Variants in NEBL observed in about 807,000 individuals in gnomAD.
NEBL encodes the protein LIM and SH3 protein 2.
In NEBL, 122 loss-of-function variants were observed where a neutral mutation model predicts 140.2. That is an observed-to-expected ratio of 0.87 (90% CI 0.75 to 1.01). The LOEUF (loss-of-function observed/expected upper bound fraction) is 1.01, where lower values mean the gene tolerates loss of function less well. NEBL is among the 50% of genes least tolerant of loss of function. NEBL has a pLI of 0.00. For synonymous variants in NEBL, 436 were observed against 398.9 expected, an observed-to-expected ratio of 1.09 and a Z score of -1.11; for missense variants, 1,365 against 1,231.3, an observed-to-expected ratio of 1.11 and a Z score of -1.62.
intron 3 of NEBL, among the ~76,000 whole-genome samples, chr10:21,199,162 C>A (rs557069449): frequency 6.6e-6 from 1 of 151,242 alleles, no homozygotes; most frequent in Non-Finnish European, 1.5e-5. Context: ...GTTGCTGGGA[C>A]GACGGGTGTG....
intron 4 of NEBL, among the ~76,000 whole-genome samples, chr10:20,915,014 G>A (rs1019426792): frequency 4.7e-5 from 6 of 127,500 alleles, no homozygotes; most frequent in African/African-American, 1.8e-4. Context: ...TATTGGCCAG[G>A]CTGGTCTCAA....
At chr10:20,973,865 G>C (rs1388758787) in intron 3 of NEBL, among the ~76,000 whole-genome samples, 1 of 152,196 alleles carries the variant, frequency 6.6e-6, no homozygotes, top group Non-Finnish European at 1.5e-5. Flanking sequence ...CAGATGTGGA[G>C]GAACAGATGC....
At chr10:21,259,520 G>C (rs1322682147) in intron 1 of NEBL, among the ~76,000 whole-genome samples, 1 of 151,958 alleles carries the variant, frequency 6.6e-6, no homozygotes, top group Non-Finnish European at 1.5e-5. Flanking sequence ...ACCCTCAAAA[G>C]ATCCACACCT....
chr10:20,830,357 T>C (rs1338690769), intron 16 of NEBL, among the ~76,000 whole-genome samples: 3 of 152,124 alleles, frequency 2.0e-5, no homozygotes, highest in Non-Finnish European at 4.4e-5. Flanking sequence ...CCATTGGGAG[T>C]CATTCTTTTT....
At chr10:20,852,070 C>G (rs1374407031) in intron 10 of NEBL, among the ~76,000 whole-genome samples, 1 of 151,728 alleles carries the variant, frequency 6.6e-6, no homozygotes, top group African/African-American at 2.4e-5. Flanking sequence ...TAAGTTTATT[C>G]AGGGGGTACC....
chr10:21,262,761 C>T (rs1437403093), intron 1 of NEBL, among the ~76,000 whole-genome samples: 4 of 152,214 alleles, frequency 2.6e-5, no homozygotes, highest in African/African-American at 4.8e-5. Context: ...AACTTAGCAT[C>T]TGCCATCCCT....
chr10:21,096,505 G>T (rs1589229950), intron 2 of NEBL, among the ~76,000 whole-genome samples: 1 of 151,154 alleles, frequency 6.6e-6, no homozygotes, highest in Admixed American at 6.6e-5. Context: ...GTGTGTGTGT[G>T]TGTGTGTGTG....
chr10:21,091,508 T>C (rs978885349), intron 2 of NEBL, among the ~76,000 whole-genome samples: 21 of 126,422 alleles, frequency 1.7e-4, no homozygotes, highest in African/African-American at 6.1e-4. Context: ...TTCACTTCTT[T>C]ATCCAATTAG....
chr10:20,817,392 C>A (rs886178151), intron 21 of NEBL, among the ~76,000 whole-genome samples: 2 of 152,024 alleles, frequency 1.3e-5, no homozygotes, highest in Admixed American at 6.6e-5. Flanking sequence ...AAAAAGTCAT[C>A]CTGATGAGTC....
chr10:20,885,768 G>C (rs893077753), intron 4 of NEBL, among the ~76,000 whole-genome samples: 1 of 152,102 alleles, frequency 6.6e-6, no homozygotes, highest in Admixed American at 6.5e-5. Context: ...ATCAAGTGTT[G>C]GGTTGTAATT....
intron 3 of NEBL, among the ~76,000 whole-genome samples, chr10:21,238,437 C>T (rs1333227563): frequency 7.9e-5 from 12 of 151,900 alleles, no homozygotes; most frequent in South Asian, 4.2e-4. Flanking sequence ...CGGTGGCTCA[C>T]GCCTGTAATC....
At chr10:20,802,893 G>A (rs11012348) in intron 26 of NEBL, among the ~76,000 whole-genome samples, 8,064 of 152,246 alleles carry the variant, frequency 0.053, 723 homozygotes, top group African/African-American at 0.18. Context: ...GCACTTAGCT[G>A]AGGAAATGTA....
intron 1 of NEBL, among the ~76,000 whole-genome samples, chr10:21,261,360 C>A (rs1027868763): frequency 6.6e-6 from 1 of 152,100 alleles, no homozygotes; most frequent in Admixed American, 6.6e-5. Context: ...ATCATCAGTA[C>A]CTTCAAAATA....
chr10:21,008,532 A>G (rs1232488517), intron 3 of NEBL, among the ~76,000 whole-genome samples: 1 of 152,340 alleles, frequency 6.6e-6, no homozygotes, highest in East Asian at 1.9e-4. Flanking sequence ...CAAATGGCCA[A>G]CAAACATATG....
rs1846684122 is a variant in NEBL, at chr10:20,888,080, C to T, written c.369+17G>A. 6.5e-7 allele frequency: 1 copy of T among 1,532,072 alleles called. No individual in the cohort carries two copies. 94.9% of individuals were successfully genotyped at this position (1,532,072 alleles called of 1,614,324 possible). A position where few individuals can be genotyped will look rare whatever the true frequency, so the allele number is the denominator to read the frequency against. On this transcript the variant is annotated intron_variant, in intron 4 of 27. Transcript: ENST00000377122. ...GTTTTATCTACAAAATCATGAAACA[C>T]TTTAGAAAAACCCTACCTCACTCTG...
At chr10:21,133,398 A>G (rs1473636410) in intron 2 of NEBL, among the ~76,000 whole-genome samples, 1 of 152,184 alleles carries the variant, frequency 6.6e-6, no homozygotes, top group Non-Finnish European at 1.5e-5. Context: ...ACCTGTTACA[A>G]TTTCTCTATG....
chr10:21,220,074 G>A (rs1564544666), intron 3 of NEBL, among the ~76,000 whole-genome samples: 1 of 151,790 alleles, frequency 6.6e-6, no homozygotes, highest in Non-Finnish European at 1.5e-5. Context: ...CACCATGCCT[G>A]GCTAATTTTT....
chr10:21,090,116 T>A (rs1333053749), intron 2 of NEBL, among the ~76,000 whole-genome samples: 1 of 152,146 alleles, frequency 6.6e-6, no homozygotes. Context: ...TCCAGGAGAA[T>A]GGAAAGAATG....
At chr10:20,994,065 T>C (rs1338403613) in intron 3 of NEBL, among the ~76,000 whole-genome samples, 1 of 152,212 alleles carries the variant, frequency 6.6e-6, no homozygotes, top group East Asian at 1.9e-4. Flanking sequence ...AAATAAAATG[T>C]TACATAACTC....
Sources: gnomAD v4.1 joint callset for allele counts (sites outside exome capture counted in the v4.1 genomes callset) on GRCh38, gnomAD v4.1.1 for gene constraint, MANE v1.5 for transcripts, NCBI Gene and HGNC (gene_info 2026-07-23, HGNC 2026-07-21) for gene names.